The following TM9SF2 variants were observed in gnomAD, a reference collection of about 807,000 sequenced individuals.
The protein encoded by TM9SF2 is 76 kDa membrane protein.
TM9SF2 carries 13 observed loss-of-function variants against 84.9 expected under a neutral mutation model. That is an observed-to-expected ratio of 0.15 (90% CI 0.10 to 0.24). TM9SF2 has a LOEUF of 0.24. Among genes scored for constraint, TM9SF2 ranks in the 10% least tolerant of loss-of-function variants. The pLI, the probability that TM9SF2 is intolerant of heterozygous loss-of-function variation, is 1.00. For missense variants in TM9SF2, 562 were observed against 818.5 expected (o/e 0.69, Z 3.82); for synonymous variants, 273 against 285.8 (o/e 0.96, Z 0.45).
rs545173237 is a variant in TM9SF2, at chr13:99,525,648, C to T, written c.334-3819C>T. On this transcript the variant is annotated intron_variant, in intron 3 of 16. Coordinates refer to ENST00000376387, the MANE Select transcript of TM9SF2 (RefSeq NM_004800.3). ...TCGGCTTACTGCAAGCTCCACCTGC[C>T]GAGTTCACACCATTCTCCTGCCTCA... Among the ~76,000 whole-genome samples, 248 of 151,890 alleles carry T rather than the reference C, an allele frequency of 1.6e-3. 2 individuals are homozygous for T. The highest frequency in any genetic ancestry group is 5.7e-3 in the African/African-American group (236 of 41,400).
chr13:99,539,364 TA>T (rs2046248514), intron 6 of TM9SF2, 81 bp from the exon 7 acceptor site: 2 of 818,454 alleles, frequency 2.4e-6, no homozygotes, highest in South Asian at 3.0e-5. Flanking sequence ...CATTTTAAAA[TA>T]CGTACAAAAT....
At chr13:99,509,335 C>T (rs186386948) in intron 1 of TM9SF2, among the ~76,000 whole-genome samples, 3 of 152,292 alleles carry the variant, frequency 2.0e-5, no homozygotes, top group Admixed American at 2.0e-4. Context: ...GGCGGGGACT[C>T]TGAATGGGGC....
chr13:99,515,737 T>G (rs528159206), intron 1 of TM9SF2, among the ~76,000 whole-genome samples: 1 of 151,316 alleles, frequency 6.6e-6, no homozygotes, highest in Non-Finnish European at 1.5e-5. Context: ...AATACTGGTT[T>G]TTTTTTTTTT....
intron 6 of TM9SF2, among the ~76,000 whole-genome samples, chr13:99,538,096 G>A (rs1241906837): frequency 6.6e-6 from 1 of 152,160 alleles, no homozygotes. Context: ...TTGTTTTTCA[G>A]TCAGGAGGTT....
intron 4 of TM9SF2, 128 bp from the exon 5 acceptor site, chr13:99,536,480 T>C: frequency 9.1e-7 from 1 of 1,095,966 alleles, no homozygotes; most frequent in Non-Finnish European, 1.3e-6. Flanking sequence ...TAACATTCTT[T>C]GTGGTTTTTG....
chr13:99,536,779 C>G, intron 5 of TM9SF2, 42 bp downstream of exon 5: 1 of 1,604,342 alleles, frequency 6.2e-7, no homozygotes, highest in Non-Finnish European at 8.5e-7. Flanking sequence ...TAAAACATGG[C>G]TTTTGATAGA....
rs764883969 is a variant in TM9SF2 at position 99,501,665 on chromosome 13, C to T, written c.59C>T (p.Ser20Leu). The T allele has an allele frequency of 2.5e-6, 4 of 1,613,308 alleles. No homozygotes were observed. The highest frequency in any genetic ancestry group is 2.2e-5 in the South Asian group (2 of 91,058). Residue 20 changes from serine to leucine, a missense_variant, in exon 1 of 17, where the codon TCG becomes TTG. Coordinates refer to ENST00000376387, the MANE Select transcript of TM9SF2 (RefSeq NM_004800.3). ...PPRWPRLLLLSLLLLGAVPGP... is the reference protein window; with the variant it reads ...PPRWPRLLLLLLLLLGAVPGP... ...CGGTGGCCGCGGCTGTTGCTGCTGT[C>T]GCTGCTCCTGCTGGGGGCGGTTCCT... is the stretch of plus-strand genomic sequence containing the variant.
intron 2 of TM9SF2, among the ~76,000 whole-genome samples, chr13:99,518,924 A>G (rs2139078440): frequency 6.6e-6 from 1 of 152,040 alleles, no homozygotes; most frequent in South Asian, 2.1e-4. Context: ...CAGTTTTTTG[A>G]TATTGTGAAA....
chr13:99,538,171 C>T (rs772937109), intron 6 of TM9SF2, among the ~76,000 whole-genome samples: 8 of 152,130 alleles, frequency 5.3e-5, no homozygotes, highest in Non-Finnish European at 8.8e-5. Flanking sequence ...TGGTCCCCTT[C>T]GTGGTGGAAA....
intron 4 of TM9SF2, among the ~76,000 whole-genome samples, chr13:99,533,235 G>A (rs1021881259): frequency 2.0e-5 from 3 of 152,266 alleles, no homozygotes; most frequent in South Asian, 2.1e-4. Context: ...AATACATGCC[G>A]ATGAGAAAAC....
intron 3 of TM9SF2, among the ~76,000 whole-genome samples, chr13:99,521,784 G>T (rs1427607954): frequency 6.6e-6 from 1 of 151,934 alleles, no homozygotes; most frequent in African/African-American, 2.4e-5. Context: ...ATAGGTTACT[G>T]CAGCCTCAGA....
At chr13:99,531,516 G>A (rs948912657) in intron 4 of TM9SF2, among the ~76,000 whole-genome samples, 1 of 151,808 alleles carries the variant, frequency 6.6e-6, no homozygotes, top group African/African-American at 2.4e-5. Flanking sequence ...CATATGCATA[G>A]AACCCTGGGT....
intron 12 of TM9SF2, among the ~76,000 whole-genome samples, chr13:99,550,351 G>A (rs138602109): frequency 4.7e-4 from 71 of 152,092 alleles, no homozygotes; most frequent in African/African-American, 1.5e-3. Flanking sequence ...CACGTCATTC[G>A]TATTTTTCTC....
intron 4 of TM9SF2, among the ~76,000 whole-genome samples, chr13:99,534,918 G>A (rs2046227258): frequency 6.6e-6 from 1 of 152,162 alleles, no homozygotes; most frequent in Non-Finnish European, 1.5e-5. Context: ...GGGAGACCAG[G>A]GTAGGAGGAC....
chr13:99,556,583 T>TTG (rs1415349092), intron 15 of TM9SF2, among the ~76,000 whole-genome samples: 2 of 151,254 alleles, frequency 1.3e-5, no homozygotes, highest in African/African-American at 4.9e-5. Flanking sequence ...CCTTTTTTTT[T>TTG]TTTTTTCCTT....
At chr13:99,544,749 G>A (rs570174447) in intron 10 of TM9SF2, among the ~76,000 whole-genome samples, 61 of 152,288 alleles carry the variant, frequency 4.0e-4, no homozygotes, top group Middle Eastern at 3.4e-3. Context: ...TGGGAAGCAG[G>A]ATCTCTCTCC....
At chr13:99,505,541 C>T (rs111620265) in intron 1 of TM9SF2, among the ~76,000 whole-genome samples, 3 of 152,214 alleles carry the variant, frequency 2.0e-5, no homozygotes, top group East Asian at 1.9e-4. Context: ...TATTTTGTTA[C>T]GTTTTGAAAC....
At chr13:99,520,000 C>A in intron 2 of TM9SF2, 36 bp from the exon 3 acceptor site, 1 of 1,595,774 alleles carries the variant, frequency 6.3e-7, no homozygotes, top group South Asian at 1.1e-5. Context: ...TCATCGTTCC[C>A]TTTTATGTGT....
chr13:99,540,875 C>T (rs1438034710), intron 8 of TM9SF2, 82 bp downstream of exon 8: 5 of 1,251,914 alleles, frequency 4.0e-6, no homozygotes, highest in African/African-American at 1.5e-5. Flanking sequence ...CTCTCAAATC[C>T]TCTCTACTTT....
Sources: gnomAD v4.1 joint callset for allele counts (sites outside exome capture counted in the v4.1 genomes callset) on GRCh38, gnomAD v4.1.1 for gene constraint, MANE v1.5 for transcripts, NCBI Gene and HGNC (gene_info 2026-07-23, HGNC 2026-07-21) for gene names.